The following ITPR2 variants were observed in gnomAD, a reference collection of about 807,000 sequenced individuals.
ITPR2 encodes inositol 1,4,5-trisphosphate-gated calcium channel ITPR2.
Under a neutral mutation model 317.1 loss-of-function variants are expected in ITPR2, and 207 were observed. That is an observed-to-expected ratio of 0.65 (90% CI 0.58 to 0.73). The LOEUF (loss-of-function observed/expected upper bound fraction) is 0.73. Ranked by LOEUF, ITPR2 falls within the 30% of genes least tolerant of loss-of-function variation. ITPR2 has a pLI of 0.00. For synonymous variants in ITPR2, 1,156 were observed against 1,149.1 expected (o/e 1.01, Z -0.12); for missense variants, 2,613 against 3,284.0 (o/e 0.80, Z 4.99).
At chr12:26,556,595 T>TG (rs371116702) in intron 35 of ITPR2, among the ~76,000 whole-genome samples, 99 of 145,908 alleles carry the variant, frequency 6.8e-4, no homozygotes, top group Middle Eastern at 3.5e-3. Flanking sequence ...TGTGTGTGTG[T>TG]TTTTGTTTAT....
intron 45 of ITPR2, among the ~76,000 whole-genome samples, chr12:26,453,565 T>C (rs1020561608): frequency 4.6e-5 from 7 of 152,226 alleles, no homozygotes; most frequent in African/African-American, 1.7e-4. Context: ...TTTCGTTATA[T>C]AGAACTGATG....
Position 26,610,303 on chromosome 12 carries a change from A to C in ITPR2, c.3463-7597T>G, listed in dbSNP as rs1398925461. The stretch of plus-strand genomic sequence containing the variant: ...CCACTGCACAGAATCTCATACCAAC[A>C]CTTGGAAAAGGAGAACCTTCTTAAT... On this transcript the variant is annotated intron_variant, in intron 26 of 56. Coordinates refer to ENST00000381340, the MANE Select transcript of ITPR2 (RefSeq NM_002223.4). Among the ~76,000 whole-genome samples, 7 of 152,202 alleles carry C rather than the reference A, an allele frequency of 4.6e-5. No homozygotes were observed. In the East Asian group the frequency reaches 1.3e-3, roughly 29 times the overall value.
chr12:26,368,582 G>A (rs1447707161), intron 55 of ITPR2, among the ~76,000 whole-genome samples: 6 of 152,162 alleles, frequency 3.9e-5, no homozygotes, highest in African/African-American at 1.4e-4. Context: ...GCTGGCATGT[G>A]AACTGAGACA....
Position 26,476,892 on chromosome 12 carries a change from G to C in ITPR2, c.6219+20C>G. ...TTTTAGGCTACCCAATATTGACCAAGCTTTTAAAAGTTTTCTTACCAGTTC... is the reference window on the plus strand; with the variant it reads ...TTTTAGGCTACCCAATATTGACCAACCTTTTAAAAGTTTTCTTACCAGTTC... On this transcript the variant is annotated intron_variant, in intron 44 of 56. Transcript: ENST00000381340. The C allele has an allele frequency of 6.4e-7, 1 of 1,555,916 alleles. No individual in the cohort carries two copies. Among genetic ancestry groups the C allele is most frequent in the Non-Finnish European group, 8.9e-7 (1 of 1,129,550 alleles).
rs1193542088 is a variant in ITPR2 at position 26,690,086 on chromosome 12, A to G, written c.997-3454T>C. 3.3e-5 allele frequency among the ~76,000 whole-genome samples: 5 copies of G among 152,220 alleles called. No homozygotes were observed. In the East Asian group the frequency reaches 9.6e-4, roughly 29 times the overall value. On this transcript the variant is annotated intron_variant, in intron 10 of 56. Transcript: ENST00000381340. ...GAAGACTGCCTCGGAATATAAGGAC[A>G]CAGAAGTTATGAACAAGATCAGTCA...
chr12:26,575,220 G>A (rs2137063378), intron 34 of ITPR2, among the ~76,000 whole-genome samples: 1 of 148,578 alleles, frequency 6.7e-6, no homozygotes, highest in Middle Eastern at 3.4e-3. Flanking sequence ...CTAGCCTTAG[G>A]TTGTTAGGCA....
intron 26 of ITPR2, among the ~76,000 whole-genome samples, chr12:26,619,946 G>T (rs557652571): frequency 3.9e-5 from 6 of 152,216 alleles, no homozygotes; most frequent in Admixed American, 2.6e-4. Context: ...TAAGTTGCTC[G>T]AAGTCACACA....
intron 13 of ITPR2, among the ~76,000 whole-genome samples, chr12:26,679,730 T>A (rs1947993079): frequency 6.6e-6 from 1 of 152,142 alleles, no homozygotes; most frequent in African/African-American, 2.4e-5. Flanking sequence ...TTTTTGCTTT[T>A]CTTTTTTCTT....
chr12:26,806,648 T>C (rs574081291), intron 1 of ITPR2, among the ~76,000 whole-genome samples: 2 of 152,346 alleles, frequency 1.3e-5, no homozygotes, highest in African/African-American at 4.8e-5. Flanking sequence ...AGGATAAGGA[T>C]CTGGAACTAC....
At chr12:26,589,941 T>C (rs1161925652) in intron 32 of ITPR2, among the ~76,000 whole-genome samples, 1 of 150,266 alleles carries the variant, frequency 6.7e-6, no homozygotes, top group Admixed American at 6.6e-5. Context: ...ATCTGCTGCC[T>C]GAAGTACTGG....
intron 22 of ITPR2, among the ~76,000 whole-genome samples, chr12:26,628,984 CCT>C (rs945171363): frequency 2.0e-5 from 3 of 152,030 alleles, no homozygotes; most frequent in Non-Finnish European, 4.4e-5. Context: ...TGAGAGAGGC[CCT>C]GTTTAACCTT....
chr12:26,561,900 A>T lies in ITPR2; in HGVS notation c.4683T>A (p.Thr1561=), dbSNP rs769754791. ...IPVDLDSQVN[T]LFMKSHSNMV... ...TATTTGAATGGCTCTTCATGAAAAG[A>T]GTATTAACTTGGCTGTCCAAATCCA... The change falls in exon 35 of 57, where the codon ACT becomes ACA. Residue 1561 remains threonine, a synonymous_variant. Coordinates refer to ENST00000381340, the MANE Select transcript of ITPR2 (RefSeq NM_002223.4). The T allele has an allele frequency of 6.4e-7, 1 of 1,573,296 alleles. No individual in the cohort carries two copies.
intron 2 of ITPR2, among the ~76,000 whole-genome samples, chr12:26,726,455 C>T (rs991326506): frequency 1.3e-5 from 2 of 152,224 alleles, no homozygotes; most frequent in African/African-American, 4.8e-5. Flanking sequence ...TCAACAGTTT[C>T]GCCACATGCT....
intron 55 of ITPR2, among the ~76,000 whole-genome samples, chr12:26,381,908 T>C (rs912415345): frequency 6.6e-6 from 1 of 152,194 alleles, no homozygotes; most frequent in Non-Finnish European, 1.5e-5. Context: ...TAAGTACAAA[T>C]ATCCGTTAAT....
At position 26,337,478 on chromosome 12, in the gene ITPR2, C is replaced by T. The variant is rs1434368158; in HGVS notation, c.*1919G>A. 1.3e-5 allele frequency: 2 copies of T among 152,166 alleles called. No homozygotes were observed. Among genetic ancestry groups the T allele is most frequent in the African/African-American group, 4.8e-5 (2 of 41,438 alleles). The allele number at this position is 152,166 out of a possible 1,614,324, so 9.4% of individuals were successfully genotyped here. ...ACTTTTTACCTGATACTGTTAATAG[C>T]ATTGATGATCCTGGATTTTAAAGAT... is the stretch of plus-strand genomic sequence containing the variant. On this transcript the variant is annotated 3_prime_UTR_variant, in exon 57 of 57. Transcript: ENST00000381340.
chr12:26,447,441 C>A (rs889230816), intron 45 of ITPR2, among the ~76,000 whole-genome samples: 2 of 151,804 alleles, frequency 1.3e-5, no homozygotes, highest in Admixed American at 6.6e-5. Context: ...TAGTGGCATC[C>A]TTTATTATCC....
chr12:26,453,595 A>G (rs1484522427), intron 45 of ITPR2, among the ~76,000 whole-genome samples: 1 of 152,178 alleles, frequency 6.6e-6, no homozygotes, highest in East Asian at 1.9e-4. Flanking sequence ...CATCTCTTTG[A>G]CCTTATTTCT....
intron 32 of ITPR2, among the ~76,000 whole-genome samples, chr12:26,580,713 A>G (rs1945384680): frequency 6.6e-6 from 1 of 152,198 alleles, no homozygotes; most frequent in Non-Finnish European, 1.5e-5. Flanking sequence ...GAAGCATGGA[A>G]GTATAGGTTT....
chr12:26,485,459 C>T (rs1450438717), intron 41 of ITPR2, among the ~76,000 whole-genome samples: 1 of 152,168 alleles, frequency 6.6e-6, no homozygotes, highest in Non-Finnish European at 1.5e-5. Flanking sequence ...CCAGTATTGT[C>T]CCTCTGGAAG....
Sources: gnomAD v4.1 joint callset for allele counts (sites outside exome capture counted in the v4.1 genomes callset) on GRCh38, gnomAD v4.1.1 for gene constraint, MANE v1.5 for transcripts, NCBI Gene and HGNC (gene_info 2026-07-23, HGNC 2026-07-21) for gene names.